Variants in SLC24A2 observed in about 807,000 individuals in gnomAD.
SLC24A2 encodes the protein sodium/potassium/calcium exchanger 2.
Under a neutral mutation model 62.0 loss-of-function variants are expected in SLC24A2, and 36 were observed. The observed-to-expected ratio is 0.58, with a 90% CI of 0.44 to 0.77. The LOEUF is 0.77. Among genes scored for constraint, SLC24A2 ranks in the 30% least tolerant of loss-of-function variants. The probability of loss-of-function intolerance (pLI) is 0.00; values close to 1 mark genes in which losing one functional copy is unlikely to be tolerated. For synonymous variants in SLC24A2, 358 were observed against 294.0 expected (o/e 1.22, Z -2.23); for missense variants, 846 against 817.9 (o/e 1.03, Z -0.42).
At chr9:19,579,710 A>C (rs1368322064) in intron 5 of SLC24A2, among the ~76,000 whole-genome samples, 2 of 152,226 alleles carry the variant, frequency 1.3e-5, no homozygotes, top group East Asian at 3.8e-4. Flanking sequence ...CAACTCAAAT[A>C]ATGTCCTAAA....
the SLC24A2 span, among the ~76,000 whole-genome samples, chr9:20,002,865 G>A: frequency 2.0e-5 from 3 of 152,192 alleles, no homozygotes; most frequent in Non-Finnish European, 4.4e-5. Context: ...TTTCTTAGCT[G>A]TAGCCTCCAC....
intron 2 of SLC24A2, among the ~76,000 whole-genome samples, chr9:19,740,587 G>T (rs1416883544): frequency 6.6e-6 from 1 of 152,162 alleles, no homozygotes; most frequent in Non-Finnish European, 1.5e-5. Context: ...AGGGGGCTCT[G>T]GGTGTCTGTA....
chr9:20,266,137 G>C, the SLC24A2 span, among the ~76,000 whole-genome samples: 34 of 152,236 alleles, frequency 2.2e-4, no homozygotes, highest in African/African-American at 7.9e-4. Context: ...CATTTGCCTT[G>C]TGATATTCTA....
the SLC24A2 span, among the ~76,000 whole-genome samples, chr9:20,039,013 G>A: frequency 6.6e-6 from 1 of 152,174 alleles, no homozygotes; most frequent in African/African-American, 2.4e-5. Flanking sequence ...AATATAAAAT[G>A]TCACAGAAGT....
the SLC24A2 span, among the ~76,000 whole-genome samples, chr9:19,977,340 T>C: frequency 6.6e-6 from 1 of 152,116 alleles, no homozygotes; most frequent in Admixed American, 6.6e-5. Context: ...GAAGTGCGTA[T>C]TGAATATATT....
chr9:19,922,068 T>C, the SLC24A2 span, among the ~76,000 whole-genome samples: 1 of 152,216 alleles, frequency 6.6e-6, no homozygotes, highest in African/African-American at 2.4e-5. Context: ...ATGTACGTCC[T>C]TCTCCAAGCA....
At chr9:19,684,327 GTTC>G (rs1008574459) in intron 2 of SLC24A2, among the ~76,000 whole-genome samples, 26 of 152,216 alleles carry the variant, frequency 1.7e-4, no homozygotes, top group Admixed American at 1.4e-3. Context: ...CTTCAAGGAA[GTTC>G]TTCTTCTAGA....
chr9:19,822,161 A>G, the SLC24A2 span, among the ~76,000 whole-genome samples: 1 of 152,150 alleles, frequency 6.6e-6, no homozygotes, highest in Non-Finnish European at 1.5e-5. Context: ...GATAATGCCT[A>G]TTCTTAGTAA....
rs926032112 is a variant in SLC24A2, at chr9:19,599,814, C to A, written c.1079-2535G>T. Among the ~76,000 whole-genome samples, 1 of 152,230 alleles carries A rather than the reference C, an allele frequency of 6.6e-6. No individual in the cohort carries two copies. The highest frequency in any genetic ancestry group is 1.5e-5 in the Non-Finnish European group (1 of 68,046). On this transcript the variant is annotated intron_variant, in intron 4 of 10. Coordinates refer to ENST00000341998, the MANE Select transcript of SLC24A2 (RefSeq NM_020344.4). The surrounding 1 kb of genome is among the most constrained non-coding windows in gnomAD (Gnocchi z 4.5). ...CGTACCCTTGCCCACTGTCTATTGACAGCCTGTGGCAAGACCTAGTCTTGC... is the reference window on the plus strand; with the variant it reads ...CGTACCCTTGCCCACTGTCTATTGAAAGCCTGTGGCAAGACCTAGTCTTGC...
At chr9:19,577,659 T>G (rs1433955121) in intron 5 of SLC24A2, among the ~76,000 whole-genome samples, 1 of 152,016 alleles carries the variant, frequency 6.6e-6, no homozygotes, top group Non-Finnish European at 1.5e-5. Context: ...ATTTGTGGAT[T>G]TAGGGCAAGG....
chr9:19,572,262 A>G, intron 7 of SLC24A2, among the ~76,000 whole-genome samples: 1 of 149,092 alleles, frequency 6.7e-6, no homozygotes, highest in Non-Finnish European at 1.5e-5. Context: ...TCCGTCTCAA[A>G]AAAAAAAAAA....
intron 2 of SLC24A2, among the ~76,000 whole-genome samples, chr9:19,731,729 TA>T (rs890678902): frequency 6.6e-6 from 1 of 152,210 alleles, no homozygotes; most frequent in African/African-American, 2.4e-5. Context: ...CCAAGCTGAC[TA>T]ATACATGTAG....
chr9:20,062,848 T>C, the SLC24A2 span, among the ~76,000 whole-genome samples: 5 of 127,786 alleles, frequency 3.9e-5, 1 homozygote, highest in East Asian at 5.6e-4. Flanking sequence ...AACAGACACT[T>C]CTCAAAAGAA....
intron 2 of SLC24A2, among the ~76,000 whole-genome samples, chr9:19,767,310 T>C (rs1822546842): frequency 6.6e-6 from 1 of 152,208 alleles, no homozygotes. Flanking sequence ...AACGGTTTTG[T>C]CTCACTGGCA....
chr9:20,026,528 T>G, the SLC24A2 span, among the ~76,000 whole-genome samples: 1 of 152,160 alleles, frequency 6.6e-6, no homozygotes, highest in Non-Finnish European at 1.5e-5. Flanking sequence ...CCCCAGTTAA[T>G]GGCATCATTA....
the SLC24A2 span, among the ~76,000 whole-genome samples, chr9:20,198,919 G>A: frequency 2.0e-5 from 3 of 152,194 alleles, no homozygotes; most frequent in East Asian, 1.9e-4. Flanking sequence ...AGGTGATGCC[G>A]AGGCTAAAAG....
At chr9:20,149,481 CT>C in the SLC24A2 span, among the ~76,000 whole-genome samples, 2 of 148,372 alleles carry the variant, frequency 1.3e-5, no homozygotes, top group Non-Finnish European at 3.0e-5. Flanking sequence ...GATTGGCAAA[CT>C]TTTTCTGTAA....
At chr9:20,203,761 A>G in the SLC24A2 span, among the ~76,000 whole-genome samples, 1 of 152,042 alleles carries the variant, frequency 6.6e-6, no homozygotes, top group Non-Finnish European at 1.5e-5. Context: ...GTGGTGACAT[A>G]AACTGGAAGA....
intron 2 of SLC24A2, among the ~76,000 whole-genome samples, chr9:19,635,480 T>G (rs536527937): frequency 6.6e-6 from 1 of 152,314 alleles, no homozygotes; most frequent in East Asian, 1.9e-4. Flanking sequence ...ACCAGAAGTT[T>G]ACTACTTACT....
Sources: gnomAD v4.1 joint callset for allele counts (sites outside exome capture counted in the v4.1 genomes callset) on GRCh38, gnomAD v4.1.1 for gene constraint, Gnocchi (gnomAD v3.1) non-coding constraint, MANE v1.5 for transcripts, NCBI Gene and HGNC (gene_info 2026-07-23, HGNC 2026-07-21) for gene names.